The following KDM4C variants were observed in gnomAD, a reference collection of about 807,000 sequenced individuals.
KDM4C encodes lysine-specific demethylase 4C.
KDM4C carries 81 observed loss-of-function variants against 129.3 expected under a neutral mutation model. That is an observed-to-expected ratio of 0.63 (90% CI 0.52 to 0.75). KDM4C has a LOEUF of 0.75. Ranked by LOEUF, KDM4C falls within the 30% of genes least tolerant of loss-of-function variation. KDM4C has a pLI of 0.00. For missense variants in KDM4C, 1,457 were observed against 1,304.0 expected (o/e 1.12, Z -1.81); for synonymous variants, 573 against 456.1 (o/e 1.26, Z -3.26).
intron 12 of KDM4C, among the ~76,000 whole-genome samples, chr9:7,006,136 G>C (rs1563970115): frequency 6.6e-6 from 1 of 152,174 alleles, no homozygotes; most frequent in African/African-American, 2.4e-5. Context: ...CCCTCACCTT[G>C]GGAAGTTTTA....
chr9:7,100,184 C>T (rs1836908242), intron 17 of KDM4C, among the ~76,000 whole-genome samples: 1 of 152,156 alleles, frequency 6.6e-6, no homozygotes, highest in Admixed American at 6.5e-5. Flanking sequence ...ATTGCTTGAG[C>T]TCAGGATTTT....
intron 20 of KDM4C, among the ~76,000 whole-genome samples, chr9:7,168,577 C>T (rs545171220): frequency 3.3e-5 from 5 of 152,136 alleles, no homozygotes; most frequent in South Asian, 2.1e-4. Context: ...TTGGTTAGTG[C>T]GAGAAAAGTT....
At chr9:7,167,708 T>G (rs576140226) in intron 20 of KDM4C, among the ~76,000 whole-genome samples, 1 of 152,312 alleles carries the variant, frequency 6.6e-6, no homozygotes, top group Admixed American at 6.5e-5. Context: ...AAGACCGTGG[T>G]GGATGTTCAT....
chr9:6,809,984 T>G (rs1830840983), intron 3 of KDM4C, among the ~76,000 whole-genome samples: 1 of 152,138 alleles, frequency 6.6e-6, no homozygotes, highest in African/African-American at 2.4e-5. Flanking sequence ...AGCGAGACCC[T>G]GTCTTGAAAA....
chr9:6,772,337 C>T (rs139983076), intron 1 of KDM4C, among the ~76,000 whole-genome samples: 14,516 of 149,972 alleles, frequency 0.097, 809 homozygotes, highest in Non-Finnish European at 0.11. Context: ...TTAGTAGAGA[C>T]GGGGTTTCAC....
intron 4 of KDM4C, among the ~76,000 whole-genome samples, chr9:6,831,928 T>C (rs936990074): frequency 2.0e-5 from 3 of 152,192 alleles, no homozygotes; most frequent in African/African-American, 7.2e-5. Flanking sequence ...TGAGGTCCAT[T>C]AGTAAGGAAG....
chr9:6,831,670 C>A (rs767561824), intron 4 of KDM4C, among the ~76,000 whole-genome samples: 9 of 152,066 alleles, frequency 5.9e-5, no homozygotes, highest in Non-Finnish European at 1.2e-4. Flanking sequence ...CTCATGTTTT[C>A]CTGGTAGATG....
rs1005247426 is a variant in KDM4C, at chr9:7,064,928, C to T, written c.2424+15728C>T. On this transcript the variant is annotated intron_variant, in intron 17 of 21. Coordinates refer to ENST00000381309, the MANE Select transcript of KDM4C (RefSeq NM_015061.6). The stretch of plus-strand genomic sequence containing the variant: ...TTTGAAGTATAATAATCAAGTGAGA[C>T]GACGTAAGTTCTTGAAGTCTCTTGT... Among the ~76,000 whole-genome samples, 10 of 152,198 alleles carry T rather than the reference C, an allele frequency of 6.6e-5. No individual in the cohort carries two copies. In the East Asian group the frequency reaches 1.2e-3, roughly 18 times the overall value.
At chr9:6,811,123 A>C (rs942783472) in intron 3 of KDM4C, among the ~76,000 whole-genome samples, 11 of 152,198 alleles carry the variant, frequency 7.2e-5, no homozygotes, top group African/African-American at 2.4e-4. Context: ...TAGGAGATTA[A>C]TTTTTGTTGG....
At position 6,832,821 on chromosome 9, in the gene KDM4C, G is replaced by T. The variant is rs189495741; in HGVS notation, c.436-16686G>T. ...CAGCTCACTGCAACCTCTGCCTCCT[G>T]AGTTCAAGGGATTCTCCTGCCTCAG... On this transcript the variant is annotated intron_variant, in intron 4 of 21. Coordinates refer to ENST00000381309, the MANE Select transcript of KDM4C (RefSeq NM_015061.6). Among the ~76,000 whole-genome samples the T allele has an allele frequency of 1.6e-3, 244 of 149,856 alleles. 1 individual carries two copies. Among genetic ancestry groups the T allele is most frequent in the African/African-American group, 5.4e-3 (221 of 40,586 alleles).
At chr9:6,793,779 G>T (rs1197754436) in intron 2 of KDM4C, among the ~76,000 whole-genome samples, 2 of 152,030 alleles carry the variant, frequency 1.3e-5, no homozygotes, top group Non-Finnish European at 1.5e-5. Context: ...CTGACCTCAG[G>T]TGATCCATCC....
intron 17 of KDM4C, among the ~76,000 whole-genome samples, chr9:7,100,071 C>T (rs972467696): frequency 6.6e-6 from 1 of 152,030 alleles, no homozygotes; most frequent in East Asian, 1.9e-4. Context: ...CTTTAATTTT[C>T]TAGTAATTCT....
At chr9:6,884,603 A>G (rs1203459905) in intron 6 of KDM4C, among the ~76,000 whole-genome samples, 1 of 152,108 alleles carries the variant, frequency 6.6e-6, no homozygotes, top group East Asian at 1.9e-4. Context: ...ATTTTTTACT[A>G]GTTTGGAAAT....
At chr9:6,757,004 C>T (rs1818339285), upstream of KDM4C, among the ~76,000 whole-genome samples, 1 of 152,144 alleles carries the variant, frequency 6.6e-6, no homozygotes, top group Admixed American at 6.6e-5. Flanking sequence ...AGAGAAAACG[C>T]CACAAGGGAC....
intron 8 of KDM4C, among the ~76,000 whole-genome samples, chr9:6,973,379 G>T (rs1254900518): frequency 6.6e-6 from 1 of 152,124 alleles, no homozygotes; most frequent in African/African-American, 2.4e-5. Context: ...AAATCAAATA[G>T]ACTAAAAGCA....
intron 15 of KDM4C, among the ~76,000 whole-genome samples, chr9:7,039,366 T>G (rs553788779): frequency 1.3e-5 from 2 of 152,160 alleles, no homozygotes; most frequent in South Asian, 4.1e-4. Context: ...ATATTATTTA[T>G]AAGTCTAATT....
intron 5 of KDM4C, among the ~76,000 whole-genome samples, chr9:6,876,648 C>G (rs1588880022): frequency 6.6e-6 from 1 of 152,134 alleles, no homozygotes; most frequent in South Asian, 2.1e-4. Context: ...AGTTGCCCAT[C>G]AAAGTAGTGC....
At chr9:6,787,038 C>G (rs1394509410) in intron 1 of KDM4C, among the ~76,000 whole-genome samples, 3 of 152,096 alleles carry the variant, frequency 2.0e-5, no homozygotes, top group African/African-American at 7.2e-5. Flanking sequence ...CTATCTAGGT[C>G]TTTAATCTAT....
chr9:7,090,761 A>G (rs1480611595), intron 17 of KDM4C, among the ~76,000 whole-genome samples: 1 of 152,166 alleles, frequency 6.6e-6, no homozygotes, highest in Non-Finnish European at 1.5e-5. Flanking sequence ...TTTTCTAGGC[A>G]TGTTTATCTT....
Sources: allele counts gnomAD v4.1 joint callset (sites outside exome capture counted in the v4.1 genomes callset), GRCh38; gene constraint gnomAD v4.1.1; transcripts MANE v1.5; gene names NCBI Gene and HGNC (gene_info 2026-07-23, HGNC 2026-07-21).